The following DIS3L2 variants were observed in gnomAD, a reference collection of about 807,000 sequenced individuals.
The protein encoded by DIS3L2 is DIS3 like 3'-5' exoribonuclease 2.
In DIS3L2, 34 loss-of-function variants were observed where a neutral mutation model predicts 97.5. The ratio of observed to expected loss-of-function variants is 0.35; its 90% CI spans 0.27 to 0.46. The LOEUF (loss-of-function observed/expected upper bound fraction) is 0.46. Ranked by LOEUF, DIS3L2 falls within the 20% of genes least tolerant of loss-of-function variation. DIS3L2 has a pLI of 1.00. For synonymous variants in DIS3L2, 435 were observed against 445.2 expected (o/e 0.98, Z 0.29); for missense variants, 1,038 against 1,146.0 (o/e 0.91, Z 1.36).
intron 5 of DIS3L2, among the ~76,000 whole-genome samples, chr2:232,068,530 C>T (rs1276347031): frequency 6.6e-6 from 1 of 151,336 alleles, no homozygotes; most frequent in African/African-American, 2.4e-5. Context: ...TACAATGAGC[C>T]ATGATTGTGT....
rs1694079454 is a variant in DIS3L2 at position 232,274,141 on chromosome 2, CTGACCAGG to C, written c.1659+10705_1659+10712del. Among the ~76,000 whole-genome samples the C allele has an allele frequency of 2.0e-5, 3 of 152,292 alleles. No homozygotes were observed. The South Asian group carries it at 6.2e-4, about 32-fold the overall frequency. ...TGAAGTGAGACATAGGGTTCCTGCA[CTGACCAGG>C]TGATAGGAACTTCCAGGGGTGAGCA... On this transcript the variant is annotated intron_variant, in intron 13 of 20. Transcript: ENST00000325385.
chr2:232,338,607 T>C (rs1696039781), downstream of DIS3L2, among the ~76,000 whole-genome samples: 1 of 150,452 alleles, frequency 6.6e-6, no homozygotes, highest in African/African-American at 2.4e-5. Flanking sequence ...AGCCAGGACC[T>C]GGGCTCAGGC....
chr2:232,238,451 C>T, intron 10 of DIS3L2, 82 bp from the exon 11 acceptor site: 7 of 1,162,572 alleles, frequency 6.0e-6, no homozygotes, highest in Non-Finnish European at 6.3e-6. Flanking sequence ...CTGGGAGTGA[C>T]ATACATTCTA....
At chr2:232,171,033 T>TAAGAA (rs1690971260) in intron 9 of DIS3L2, among the ~76,000 whole-genome samples, 1 of 152,182 alleles carries the variant, frequency 6.6e-6, no homozygotes, top group South Asian at 2.1e-4. Flanking sequence ...GTTCCCCTGG[T>TAAGAA]AAGACAGTGT....
chr2:232,051,172 T>G (rs1201743874), intron 5 of DIS3L2, among the ~76,000 whole-genome samples: 1 of 152,216 alleles, frequency 6.6e-6, no homozygotes, highest in East Asian at 1.9e-4. Context: ...GTCTCCATTC[T>G]AGATCCTTTG....
At chr2:232,203,947 G>A (rs1341007562) in intron 9 of DIS3L2, among the ~76,000 whole-genome samples, 2 of 152,152 alleles carry the variant, frequency 1.3e-5, no homozygotes, top group South Asian at 2.1e-4. Flanking sequence ...TTTAGCACAC[G>A]AGGGACATAG....
At chr2:232,005,143 T>G (rs1410399975) in intron 1 of DIS3L2, among the ~76,000 whole-genome samples, 2 of 151,650 alleles carry the variant, frequency 1.3e-5, no homozygotes, top group African/African-American at 4.8e-5. Flanking sequence ...GACTCTGAAT[T>G]CTGTTAAATT....
At chr2:232,205,699 A>G (rs924229952) in intron 9 of DIS3L2, among the ~76,000 whole-genome samples, 5 of 152,340 alleles carry the variant, frequency 3.3e-5, no homozygotes, top group South Asian at 2.1e-4. Context: ...AGTGCAAACT[A>G]TAAATAAAAT....
intron 8 of DIS3L2, among the ~76,000 whole-genome samples, chr2:232,142,586 A>C (rs1051040520): frequency 6.6e-6 from 1 of 152,150 alleles, no homozygotes; most frequent in Non-Finnish European, 1.5e-5. Context: ...TTAAATTTCA[A>C]GACCTTTTCT....
At chr2:232,217,220 C>A in intron 10 of DIS3L2, among the ~76,000 whole-genome samples, 1 of 152,114 alleles carries the variant, frequency 6.6e-6, no homozygotes, top group Non-Finnish European at 1.5e-5. Flanking sequence ...CCTGGCCATA[C>A]CTGCTTCCAC....
intron 13 of DIS3L2, among the ~76,000 whole-genome samples, chr2:232,270,866 C>CTCTCTCTCTCTCTCTT (rs1179701661): frequency 2.5e-3 from 75 of 30,126 alleles, no homozygotes; most frequent in African/African-American, 7.2e-3. Context: ...TCTCGTCTCT[C>CTCTCTCTCTCTCTCTT]TCTCTCTCTC....
intron 1 of DIS3L2, among the ~76,000 whole-genome samples, chr2:231,982,531 A>G (rs1693291365): frequency 6.6e-6 from 1 of 152,178 alleles, no homozygotes; most frequent in Non-Finnish European, 1.5e-5. Flanking sequence ...TGTGAAGTAG[A>G]TAAAGAATGT....
chr2:232,284,192 G>A (rs973289455), intron 13 of DIS3L2, among the ~76,000 whole-genome samples: 16 of 152,172 alleles, frequency 1.1e-4, no homozygotes, highest in Non-Finnish European at 1.9e-4. Flanking sequence ...TAGAAGTGGG[G>A]CACAAACTAG....
chr2:232,224,601 G>A (rs376628650), intron 10 of DIS3L2, among the ~76,000 whole-genome samples: 3 of 152,114 alleles, frequency 2.0e-5, no homozygotes, highest in African/African-American at 7.2e-5. Context: ...CACTTTGGAA[G>A]GTGCAGGCAG....
At chr2:232,044,835 C>T (rs972111782) in intron 5 of DIS3L2, among the ~76,000 whole-genome samples, 4 of 152,016 alleles carry the variant, frequency 2.6e-5, no homozygotes, top group African/African-American at 7.2e-5. Flanking sequence ...GAATGATGTG[C>T]CAGAAACCAA....
intron 5 of DIS3L2, among the ~76,000 whole-genome samples, chr2:232,036,003 G>A (rs1401674938): frequency 1.3e-5 from 2 of 151,906 alleles, no homozygotes; most frequent in African/African-American, 4.8e-5. Flanking sequence ...TGTGTCTTGG[G>A]GTTGCCTTTC....
chr2:232,014,055 T>A (rs1694284643), intron 1 of DIS3L2, among the ~76,000 whole-genome samples: 1 of 152,214 alleles, frequency 6.6e-6, no homozygotes, highest in Admixed American at 6.5e-5. Flanking sequence ...TAGACTTGAC[T>A]CCTGGGCTGG....
At chr2:232,220,903 G>A (rs1431294056) in intron 10 of DIS3L2, among the ~76,000 whole-genome samples, 1 of 151,824 alleles carries the variant, frequency 6.6e-6, no homozygotes, top group Non-Finnish European at 1.5e-5. Context: ...AGGAGTTGGA[G>A]ACCAGCCTGG....
At chr2:231,964,090 T>C (rs1048296524) in intron 1 of DIS3L2, among the ~76,000 whole-genome samples, 1 of 152,242 alleles carries the variant, frequency 6.6e-6, no homozygotes, top group Non-Finnish European at 1.5e-5. Flanking sequence ...ATCTTCTGCA[T>C]GTGGCTAGTT....
Sources: allele counts gnomAD v4.1 joint callset (sites outside exome capture counted in the v4.1 genomes callset), GRCh38; gene constraint gnomAD v4.1.1; transcripts MANE v1.5; gene names NCBI Gene and HGNC (gene_info 2026-07-23, HGNC 2026-07-21).